The following DENND1A variants were observed in gnomAD, a reference collection of about 807,000 sequenced individuals.
The protein encoded by DENND1A is DENN domain-containing protein 1A.
In DENND1A, 51 loss-of-function variants were observed where a neutral mutation model predicts 113.7. The ratio of observed to expected loss-of-function variants is 0.45; its 90% CI spans 0.36 to 0.57. The LOEUF (loss-of-function observed/expected upper bound fraction) is 0.57. Among genes scored for constraint, DENND1A ranks in the 20% least tolerant of loss-of-function variants. DENND1A has a pLI of 0.00. For missense variants in DENND1A, 1,258 were observed against 1,395.9 expected (o/e 0.90, Z 1.57); for synonymous variants, 565 against 570.8 (o/e 0.99, Z 0.14).
At chr9:123,762,593 C>G (rs1275443225) in intron 4 of DENND1A, among the ~76,000 whole-genome samples, 1 of 152,228 alleles carries the variant, frequency 6.6e-6, no homozygotes, top group Non-Finnish European at 1.5e-5. Flanking sequence ...TACAACTACA[C>G]TGGGCACTGT....
chr9:123,518,344 A>G (rs1370865073), intron 13 of DENND1A, among the ~76,000 whole-genome samples: 1 of 152,218 alleles, frequency 6.6e-6, no homozygotes, highest in African/African-American at 2.4e-5. Flanking sequence ...AAGAAAATGT[A>G]GATGCAGAGA....
intron 12 of DENND1A, among the ~76,000 whole-genome samples, chr9:123,569,834 G>A (rs980333281): frequency 1.3e-5 from 2 of 152,200 alleles, no homozygotes; most frequent in African/African-American, 4.8e-5. Flanking sequence ...GCAGCAAGAG[G>A]TGGGATCCAA....
At chr9:123,851,392 A>G (rs1422052598) in intron 2 of DENND1A, among the ~76,000 whole-genome samples, 1 of 152,222 alleles carries the variant, frequency 6.6e-6, no homozygotes, top group African/African-American at 2.4e-5. Context: ...TATTCTATGT[A>G]TAGAACTCAA....
At chr9:123,605,757 A>G (rs2060127614) in intron 11 of DENND1A, among the ~76,000 whole-genome samples, 1 of 152,202 alleles carries the variant, frequency 6.6e-6, no homozygotes, top group Non-Finnish European at 1.5e-5. Flanking sequence ...AAAAATAACA[A>G]TGCAAGTTTG....
Position 123,679,699 on chromosome 9 carries a change from C to T in DENND1A, c.303-2910G>A, listed in dbSNP as rs371269483. ...AGCTCTATCCAGCGGCGTTTCCTGT[C>T]CTGCTTCATTAGAGCCGCCACAACA... On this transcript the variant is annotated intron_variant, in intron 5 of 23. Transcript: ENST00000394215. Among the ~76,000 whole-genome samples, 3 of 152,332 alleles carry T rather than the reference C, an allele frequency of 2.0e-5. No homozygotes were observed. The East Asian group carries it at 5.8e-4, about 29-fold the overall frequency.
intron 12 of DENND1A, among the ~76,000 whole-genome samples, chr9:123,566,625 A>G (rs1332054699): frequency 6.6e-6 from 1 of 152,202 alleles, no homozygotes; most frequent in Non-Finnish European, 1.5e-5. Context: ...TTAGAATGAC[A>G]TCCTTGGAGT....
rs137971841 is a variant in DENND1A at position 123,585,042 on chromosome 9, T to C, written c.766-1772A>G. ...ACCTAAGTAAATATTTCAAGATTCT[T>C]CCCAGCAGGAGGGTGGAGCCACACT... On this transcript the variant is annotated intron_variant, in intron 11 of 23. Coordinates refer to ENST00000394215, the MANE Select transcript of DENND1A (RefSeq NM_001352964.2). Among the ~76,000 whole-genome samples the C allele has an allele frequency of 5.1e-3, 768 of 151,946 alleles. 2 individuals are homozygous for C. Among genetic ancestry groups the C allele is most frequent in the South Asian group, 7.5e-3 (36 of 4,802 alleles).
At chr9:123,666,835 C>A (rs2063514946) in intron 8 of DENND1A, among the ~76,000 whole-genome samples, 191 bp downstream of exon 8, 1 of 152,060 alleles carries the variant, frequency 6.6e-6, no homozygotes, top group Admixed American at 6.5e-5. Flanking sequence ...CTATACTTTG[C>A]AAATATTCTC....
chr9:123,640,485 T>G (rs1211975756), intron 9 of DENND1A, among the ~76,000 whole-genome samples: 1 of 152,196 alleles, frequency 6.6e-6, no homozygotes, highest in African/African-American at 2.4e-5. Context: ...GGAGAAGTGG[T>G]CCGTACGCAA....
chr9:123,851,940 G>C (rs1843433144), intron 2 of DENND1A, among the ~76,000 whole-genome samples: 1 of 152,178 alleles, frequency 6.6e-6, no homozygotes, highest in Non-Finnish European at 1.5e-5. Flanking sequence ...CCAGAAGGTA[G>C]AACTAAGAGC....
chr9:123,588,755 T>A (rs946302547), intron 11 of DENND1A, among the ~76,000 whole-genome samples: 8 of 149,068 alleles, frequency 5.4e-5, no homozygotes, highest in Non-Finnish European at 1.2e-4. Context: ...TAAAGCAAAG[T>A]TGAAATAATT....
chr9:123,813,635 G>A (rs991193870), intron 2 of DENND1A, among the ~76,000 whole-genome samples: 6 of 151,482 alleles, frequency 4.0e-5, no homozygotes, highest in South Asian at 2.1e-4. Flanking sequence ...ACTTAGACCC[G>A]AAAAAAAAGA....
chr9:123,410,201 C>T (rs749269591), intron 20 of DENND1A, among the ~76,000 whole-genome samples: 2 of 152,210 alleles, frequency 1.3e-5, no homozygotes, highest in Admixed American at 6.5e-5. Context: ...GGCACAGCCC[C>T]GGAGGTGAAA....
intron 13 of DENND1A, among the ~76,000 whole-genome samples, chr9:123,523,564 T>G (rs2054567240): frequency 6.6e-6 from 1 of 152,162 alleles, no homozygotes; most frequent in Non-Finnish European, 1.5e-5. Flanking sequence ...TCTTGGAATA[T>G]TAGAGTTGAA....
chr9:123,844,989 T>C (rs994312991), intron 2 of DENND1A, among the ~76,000 whole-genome samples: 1 of 151,928 alleles, frequency 6.6e-6, no homozygotes, highest in African/African-American at 2.4e-5. Context: ...GAGGCTGAGG[T>C]GGACAGATCA....
At chr9:123,658,170 G>A (rs548289409) in intron 8 of DENND1A, among the ~76,000 whole-genome samples, 1 of 152,074 alleles carries the variant, frequency 6.6e-6, no homozygotes, top group South Asian at 2.1e-4. Context: ...CATTCTAACT[G>A]CTTTCCTCGC....
intron 13 of DENND1A, chr9:123,485,654 G>GCACA (rs1554837452): frequency 2.3e-5 from 1 of 44,170 alleles, no homozygotes; most frequent in Non-Finnish European, 5.8e-5. Flanking sequence ...ACGCGCGCGC[G>GCACA]CGCACACACA....
intron 13 of DENND1A, among the ~76,000 whole-genome samples, chr9:123,535,987 T>C (rs566977027): frequency 1.3e-5 from 2 of 152,276 alleles, no homozygotes; most frequent in South Asian, 4.2e-4. Context: ...GCAGCAGTGG[T>C]AGTATAATTG....
intron 5 of DENND1A, among the ~76,000 whole-genome samples, chr9:123,714,980 G>A (rs1435439102): frequency 3.3e-5 from 5 of 152,178 alleles, no homozygotes; most frequent in Non-Finnish European, 2.9e-5. Flanking sequence ...TCAGGAGTTC[G>A]AGACCAGCCT....
Sources: allele counts gnomAD v4.1 joint callset (sites outside exome capture counted in the v4.1 genomes callset), GRCh38; gene constraint gnomAD v4.1.1; transcripts MANE v1.5; gene names NCBI Gene and HGNC (gene_info 2026-07-23, HGNC 2026-07-21).